CNTN4: variants seen among roughly 807,000 people sequenced by gnomAD.
CNTN4 encodes contactin-4.
In CNTN4, 77 loss-of-function variants were observed where a neutral mutation model predicts 122.5. The observed-to-expected ratio is 0.63, with a 90% CI of 0.52 to 0.76. The LOEUF is 0.76. Ranked by LOEUF, CNTN4 falls within the 30% of genes least tolerant of loss-of-function variation. CNTN4 has a pLI of 0.00. For synonymous variants in CNTN4, 512 were observed against 447.0 expected (o/e 1.15, Z -1.83); for missense variants, 1,256 against 1,259.1 (o/e 1.00, Z 0.04).
At chr3:2,251,766 T>C (rs1439586075) in intron 2 of CNTN4, among the ~76,000 whole-genome samples, 1 of 151,914 alleles carries the variant, frequency 6.6e-6, no homozygotes, top group Non-Finnish European at 1.5e-5. Context: ...TAGGTAGGTT[T>C]TTTTTTCTGT....
chr3:2,650,129 T>C (rs1010472898), intron 4 of CNTN4, among the ~76,000 whole-genome samples: 2 of 149,988 alleles, frequency 1.3e-5, no homozygotes, highest in African/African-American at 4.9e-5. Flanking sequence ...AAATTTATAA[T>C]TCATGAAAAG....
intron 6 of CNTN4, among the ~76,000 whole-genome samples, chr3:2,758,471 A>G (rs1237278797): frequency 6.6e-6 from 1 of 152,066 alleles, no homozygotes; most frequent in African/African-American, 2.4e-5. Flanking sequence ...ATTCACCTAG[A>G]AAAAAACTCA....
intron 3 of CNTN4, among the ~76,000 whole-genome samples, chr3:2,471,195 C>G (rs772733829): frequency 4.6e-5 from 7 of 152,206 alleles, no homozygotes; most frequent in Non-Finnish European, 7.3e-5. Context: ...ACTTCTCAAA[C>G]TAAGTCCCAG....
chr3:3,048,165 T>C (rs1700869011), intron 23 of CNTN4, among the ~76,000 whole-genome samples: 1 of 152,006 alleles, frequency 6.6e-6, no homozygotes, highest in African/African-American at 2.4e-5. Flanking sequence ...TGTTTAGAGA[T>C]ACATAATTTA....
rs569520114 is a variant in CNTN4 at position 3,001,882 on chromosome 3, C to T, written c.1486+13410C>T. ...TCTGCATTTCACTCCCATATCTATA[C>T]CAGAAGGTTATCAGTGGAAGAGAAA... On this transcript the variant is annotated intron_variant, in intron 14 of 24. Transcript: ENST00000418658. Among the ~76,000 whole-genome samples the T allele has an allele frequency of 3.9e-5, 6 of 152,278 alleles. No homozygotes were observed. The East Asian group carries it at 1.2e-3, about 29-fold the overall frequency.
intron 4 of CNTN4, among the ~76,000 whole-genome samples, chr3:2,612,334 C>T (rs1576215259): frequency 6.6e-6 from 1 of 152,002 alleles, no homozygotes; most frequent in Non-Finnish European, 1.5e-5. Flanking sequence ...TAACATAAAG[C>T]CTATTTTATA....
intron 2 of CNTN4, among the ~76,000 whole-genome samples, chr3:2,227,983 A>G (rs757165219): frequency 2.0e-4 from 30 of 152,184 alleles, no homozygotes; most frequent in Non-Finnish European, 4.1e-4. Flanking sequence ...GTATTACTGA[A>G]AGATCTGCAA....
intron 2 of CNTN4, among the ~76,000 whole-genome samples, chr3:2,257,429 A>G (rs2040642123): frequency 6.6e-6 from 1 of 152,240 alleles, no homozygotes; most frequent in Non-Finnish European, 1.5e-5. Context: ...AAAAGCCAAG[A>G]CTGACAAATG....
intron 7 of CNTN4, among the ~76,000 whole-genome samples, chr3:2,837,589 C>T (rs2093256786): frequency 6.6e-6 from 1 of 152,212 alleles, no homozygotes; most frequent in Non-Finnish European, 1.5e-5. Context: ...CCCCCGTTCC[C>T]AAATGGCACT....
intron 3 of CNTN4, among the ~76,000 whole-genome samples, chr3:2,355,984 C>T (rs1434828608): frequency 1.3e-5 from 2 of 152,182 alleles, no homozygotes; most frequent in African/African-American, 4.8e-5. Context: ...CCAGACCTCC[C>T]CTCAGTTGTT....
At chr3:2,631,375 GT>G (rs2082420860) in intron 4 of CNTN4, among the ~76,000 whole-genome samples, 1 of 152,134 alleles carries the variant, frequency 6.6e-6, no homozygotes, top group Admixed American at 6.5e-5. Flanking sequence ...TTAGCTGGAT[GT>G]TCATATGTAG....
intron 3 of CNTN4, among the ~76,000 whole-genome samples, chr3:2,339,784 A>G (rs943817226): frequency 3.9e-5 from 6 of 152,224 alleles, no homozygotes; most frequent in Admixed American, 2.6e-4. Flanking sequence ...TGCTGATCCA[A>G]TAAAGTAACT....
chr3:2,274,960 G>C (rs183334817), intron 2 of CNTN4, among the ~76,000 whole-genome samples: 15 of 152,290 alleles, frequency 9.8e-5, no homozygotes, highest in Non-Finnish European at 1.9e-4. Flanking sequence ...GAAGGGTTTG[G>C]AGAGTGAGAA....
chr3:2,778,287 G>A (rs895376109), intron 6 of CNTN4, among the ~76,000 whole-genome samples: 6 of 36,004 alleles, frequency 1.7e-4, no homozygotes, highest in Middle Eastern at 0.018. Context: ...GAAATATTTT[G>A]TGTTATCCAT....
chr3:2,810,975 A>G (rs1234427333), intron 6 of CNTN4, among the ~76,000 whole-genome samples: 1 of 151,340 alleles, frequency 6.6e-6, no homozygotes, highest in African/African-American at 2.4e-5. Flanking sequence ...TGTATTAAGG[A>G]TTTCCATAGT....
intron 4 of CNTN4, among the ~76,000 whole-genome samples, chr3:2,720,117 A>G (rs2087749690): frequency 6.6e-6 from 1 of 152,182 alleles, no homozygotes; most frequent in South Asian, 2.1e-4. Flanking sequence ...CATGGTGTAC[A>G]GAATGCTTTG....
chr3:2,166,693 G>A (rs1310845123), intron 2 of CNTN4, among the ~76,000 whole-genome samples: 5 of 152,158 alleles, frequency 3.3e-5, no homozygotes, highest in African/African-American at 1.2e-4. Context: ...TGAATGCTGT[G>A]TAGTGTAAGG....
chr3:2,606,223 T>A (rs2081252724), intron 4 of CNTN4, among the ~76,000 whole-genome samples: 1 of 152,162 alleles, frequency 6.6e-6, no homozygotes, highest in East Asian at 1.9e-4. Context: ...AATTTTAGAT[T>A]GTCGTGATTC....
At chr3:2,193,349 GA>G (rs369675544) in intron 2 of CNTN4, among the ~76,000 whole-genome samples, 117 of 143,520 alleles carry the variant, frequency 8.2e-4, no homozygotes, top group African/African-American at 2.4e-3. Context: ...GAAGGAGAAG[GA>G]AAAAAAAAAG....
Sources: allele counts gnomAD v4.1 joint callset (sites outside exome capture counted in the v4.1 genomes callset), GRCh38; gene constraint gnomAD v4.1.1; transcripts MANE v1.5; gene names NCBI Gene and HGNC (gene_info 2026-07-23, HGNC 2026-07-21).